PTPRD: variants seen among roughly 807,000 people sequenced by gnomAD.
PTPRD encodes the protein receptor-type tyrosine-protein phosphatase delta.
Under a neutral mutation model 214.5 loss-of-function variants are expected in PTPRD, and 34 were observed. That is an observed-to-expected ratio of 0.16 (90% CI 0.12 to 0.21). The LOEUF (loss-of-function observed/expected upper bound fraction) is 0.21, where lower values mean the gene tolerates loss of function less well. Ranked by LOEUF, PTPRD falls within the 10% of genes least tolerant of loss-of-function variation. The probability of loss-of-function intolerance (pLI) is 1.00; values close to 1 mark genes in which losing one functional copy is unlikely to be tolerated. For missense variants in PTPRD, 2,545 were observed against 2,398.7 expected (o/e 1.06, Z -1.27); for synonymous variants, 1,128 against 845.7 (o/e 1.33, Z -5.79).
At chr9:10,612,208 C>A (rs374843123) in intron 2 of PTPRD, among the ~76,000 whole-genome samples, 190 bp downstream of exon 2, 100 of 126,704 alleles carry the variant, frequency 7.9e-4, no homozygotes, top group East Asian at 1.1e-3. Context: ...AGGGCTCTTC[C>A]AAAAAAAAAA....
At chr9:9,226,715 T>G (rs2099959722) in intron 9 of PTPRD, among the ~76,000 whole-genome samples, 1 of 152,076 alleles carries the variant, frequency 6.6e-6, no homozygotes, top group African/African-American at 2.4e-5. Flanking sequence ...CTCACAGGGT[T>G]GCTATGCAGA....
chr9:9,567,202 G>A (rs571006313), intron 8 of PTPRD, among the ~76,000 whole-genome samples: 4 of 152,034 alleles, frequency 2.6e-5, no homozygotes, highest in African/African-American at 9.6e-5. Flanking sequence ...GTCAGTCAAA[G>A]GTGTGTGAGT....
At chr9:8,361,566 T>A (rs944335859) in intron 39 of PTPRD, among the ~76,000 whole-genome samples, 3 of 152,214 alleles carry the variant, frequency 2.0e-5, no homozygotes, top group African/African-American at 7.2e-5. Flanking sequence ...CCCTTTACAC[T>A]ACCTCTGTCC....
intron 11 of PTPRD, among the ~76,000 whole-genome samples, chr9:8,854,534 AC>A (rs1371635693): frequency 6.6e-6 from 1 of 152,204 alleles, no homozygotes; most frequent in African/African-American, 2.4e-5. Flanking sequence ...GTACTCTTTT[AC>A]AAACAGTCAC....
At chr9:8,791,673 T>C (rs992452722) in intron 11 of PTPRD, among the ~76,000 whole-genome samples, 3 of 151,700 alleles carry the variant, frequency 2.0e-5, no homozygotes, top group Middle Eastern at 3.2e-3. Flanking sequence ...AGAGCTACTA[T>C]CATGAGGGTT....
chr9:9,323,854 A>C (rs1203921661), intron 9 of PTPRD, among the ~76,000 whole-genome samples: 1 of 151,992 alleles, frequency 6.6e-6, no homozygotes, highest in Non-Finnish European at 1.5e-5. Context: ...CCCGCACCCC[A>C]CAACAGGCCC....
At chr9:9,407,103 C>T (rs147304129) in intron 8 of PTPRD, among the ~76,000 whole-genome samples, 69 of 151,826 alleles carry the variant, frequency 4.5e-4, no homozygotes, top group African/African-American at 1.6e-3. Flanking sequence ...CTTACCACCA[C>T]CATTTAAGTT....
chr9:8,808,684 TAATA>T (rs1050071304), intron 11 of PTPRD, among the ~76,000 whole-genome samples: 2 of 151,966 alleles, frequency 1.3e-5, no homozygotes, highest in Non-Finnish European at 2.9e-5. Context: ...TGTAAATTAT[TAATA>T]AATATTAATA....
intron 5 of PTPRD, among the ~76,000 whole-genome samples, chr9:9,834,007 T>C (rs896332421): frequency 7.2e-5 from 11 of 152,108 alleles, no homozygotes; most frequent in East Asian, 1.9e-4. Flanking sequence ...GATTAAGAGA[T>C]TGAAGTAAAG....
intron 9 of PTPRD, among the ~76,000 whole-genome samples, chr9:9,379,831 T>G (rs1184118294): frequency 6.6e-6 from 1 of 152,060 alleles, no homozygotes; most frequent in African/African-American, 2.4e-5. Context: ...AAATTCCACT[T>G]GTTCATTGTT....
At chr9:9,409,562 G>A (rs2074674609) in intron 8 of PTPRD, among the ~76,000 whole-genome samples, 2 of 152,012 alleles carry the variant, frequency 1.3e-5, no homozygotes, top group Admixed American at 1.3e-4. Flanking sequence ...TGCTAGAACT[G>A]AGAGCACTTA....
At chr9:8,709,316 C>G (rs1202387749) in intron 12 of PTPRD, among the ~76,000 whole-genome samples, 1 of 151,776 alleles carries the variant, frequency 6.6e-6, no homozygotes, top group Non-Finnish European at 1.5e-5. Flanking sequence ...AGATCGAGAC[C>G]ATCCTGGCTA....
At chr9:10,328,375 G>A (rs534552980) in intron 3 of PTPRD, among the ~76,000 whole-genome samples, 1 of 151,672 alleles carries the variant, frequency 6.6e-6, no homozygotes, top group Non-Finnish European at 1.5e-5. Context: ...ACTGGTAGGG[G>A]GGTTTCTGGG....
intron 3 of PTPRD, among the ~76,000 whole-genome samples, chr9:10,058,287 C>T (rs2097696112): frequency 6.6e-6 from 1 of 152,020 alleles, no homozygotes; most frequent in African/African-American, 2.4e-5. Flanking sequence ...CCTAGTAATG[C>T]CACACCAGAC....
intron 7 of PTPRD, among the ~76,000 whole-genome samples, chr9:9,651,393 C>T (rs1431128095): frequency 6.6e-6 from 1 of 152,124 alleles, no homozygotes; most frequent in African/African-American, 2.4e-5. Context: ...CTTCCTCCTC[C>T]CACCTTCCAA....
intron 44 of PTPRD, among the ~76,000 whole-genome samples, chr9:8,330,301 T>TCCTATTCAG (rs1193129872): frequency 6.6e-6 from 1 of 152,160 alleles, no homozygotes; most frequent in Non-Finnish European, 1.5e-5. Context: ...CCAGAGCTAT[T>TCCTATTCAG]CCTATTCAGC....
At chr9:8,393,899 A>C (rs1030199628) in intron 36 of PTPRD, among the ~76,000 whole-genome samples, 2 of 152,110 alleles carry the variant, frequency 1.3e-5, no homozygotes, top group African/African-American at 4.8e-5. Context: ...TACATGCTTT[A>C]TACTGGGTCT....
chr9:9,147,227 A>T (rs2154485367), intron 10 of PTPRD, among the ~76,000 whole-genome samples: 1 of 151,828 alleles, frequency 6.6e-6, no homozygotes, highest in African/African-American at 2.4e-5. Context: ...ATGATAAATA[A>T]TCCAATCCAT....
At chr9:9,701,041 A>T (rs562459237) in intron 7 of PTPRD, among the ~76,000 whole-genome samples, 1,402 of 139,358 alleles carry the variant, frequency 0.01, 19 homozygotes, top group African/African-American at 0.033. Flanking sequence ...CCTGAGATTA[A>T]AAAAAAAAAA....
Sources: allele counts gnomAD v4.1 joint callset (sites outside exome capture counted in the v4.1 genomes callset), GRCh38; gene constraint gnomAD v4.1.1; transcripts MANE v1.5; gene names NCBI Gene and HGNC (gene_info 2026-07-23, HGNC 2026-07-21).